Variants in TRPC3 observed in about 807,000 individuals in gnomAD.
The protein encoded by TRPC3 is short transient receptor potential channel 3.
A neutral mutation model predicts 90.9 loss-of-function variants in TRPC3; 54 were observed. The ratio of observed to expected loss-of-function variants is 0.59; its 90% CI spans 0.48 to 0.75. TRPC3 has a LOEUF of 0.75. Among genes scored for constraint, TRPC3 ranks in the 30% least tolerant of loss-of-function variants. The pLI, the probability that TRPC3 is intolerant of heterozygous loss-of-function variation, is 0.00. For missense variants in TRPC3, 918 were observed against 1,194.5 expected (o/e 0.77, Z 3.41); for synonymous variants, 424 against 450.9 (o/e 0.94, Z 0.75).
chr4:121,915,445 GT>G (rs1295767751), intron 3 of TRPC3, among the ~76,000 whole-genome samples: 1 of 152,156 alleles, frequency 6.6e-6, no homozygotes, highest in Non-Finnish European at 1.5e-5. Context: ...GTGTAATTAT[GT>G]ACTATTACTG....
intron 4 of TRPC3, among the ~76,000 whole-genome samples, chr4:121,913,034 A>G (rs552015103): frequency 6.6e-6 from 1 of 152,348 alleles, no homozygotes; most frequent in Non-Finnish European, 1.5e-5. Flanking sequence ...GTTAACTCCA[A>G]ACAAATGTTT....
At chr4:121,900,806 T>C (rs1372516820) in intron 9 of TRPC3, among the ~76,000 whole-genome samples, 1 of 152,238 alleles carries the variant, frequency 6.6e-6, no homozygotes, top group African/African-American at 2.4e-5. Context: ...TTATTTATTG[T>C]GGCAGTTTTT....
chr4:121,932,158 T>C lies in TRPC3; in HGVS notation c.987+113A>G. Reference sequence around the variant, plus strand: ...ATGACGTTCTCAGTCCCTCGTGATTTCACATTCACTGGGCAAAACCGAATG... The same window carrying C: ...ATGACGTTCTCAGTCCCTCGTGATTCCACATTCACTGGGCAAAACCGAATG... On this transcript the variant is annotated intron_variant, in intron 2 of 11. Transcript: ENST00000379645. The surrounding 1 kb of genome is among the most constrained non-coding windows in gnomAD (Gnocchi z 7.7). 6.7e-7 allele frequency: 1 copy of C among 1,487,996 alleles called. No homozygotes were observed. Among genetic ancestry groups the C allele is most frequent in the Non-Finnish European group, 9.0e-7 (1 of 1,108,724 alleles). 92.2% of individuals were successfully genotyped at this position (1,487,996 alleles called of 1,614,324 possible).
In TRPC3 at chr4:121,932,360, G is replaced by A. The variant is rs199953665; in HGVS notation, c.898C>T (p.Leu300Phe). 1 of 1,614,172 alleles carries A rather than the reference G, an allele frequency of 6.2e-7. No homozygotes were observed. Among genetic ancestry groups the A allele is most frequent in the Non-Finnish European group, 8.5e-7 (1 of 1,180,030 alleles). Reference sequence around the variant, plus strand: ...ACCGGGTCCTCGCTGGACAATGAGAGGTAAGCCGGGCTGGCCAGCCCCTTG... The same window carrying A: ...ACCGGGTCCTCGCTGGACAATGAGAAGTAAGCCGGGCTGGCCAGCCCCTTG... ...AYKGLASPAY[L>F]SLSSEDPVLT... The change falls in exon 2 of 12, where the codon CTC becomes TTC. Residue 300 changes from leucine (L) to phenylalanine (F), a missense_variant. This residue lies in a region of TRPC3 where 609 missense variants were observed against 725.9 expected (regional missense o/e 0.84). Coordinates refer to ENST00000379645, the MANE Select transcript of TRPC3 (RefSeq NM_001130698.2). The surrounding 1 kb of genome is among the most constrained non-coding windows in gnomAD (Gnocchi z 7.7).
At chr4:121,918,840 A>G (rs1211106008) in intron 3 of TRPC3, among the ~76,000 whole-genome samples, 3 of 152,244 alleles carry the variant, frequency 2.0e-5, no homozygotes, top group South Asian at 2.1e-4. Context: ...ATAGCAAGTG[A>G]AGGCAAAAAA....
intron 7 of TRPC3, 43 bp downstream of exon 7, chr4:121,907,260 A>AATTTCTCTTTATCAT (rs1728913103): frequency 6.5e-7 from 1 of 1,527,778 alleles, no homozygotes; most frequent in Non-Finnish European, 8.8e-7. Context: ...GATTGGTTAG[A>AATTTCTCTTTATCAT]ATTTCTCTTT....
chr4:121,907,175 G>A (rs2149122028), intron 7 of TRPC3, 128 bp downstream of exon 7: 1 of 920,986 alleles, frequency 1.1e-6, no homozygotes, highest in African/African-American at 1.7e-5. Flanking sequence ...AGCACTAACT[G>A]TTTTTGATGG....
At chr4:121,945,374 G>T (rs1018095288) in intron 1 of TRPC3, among the ~76,000 whole-genome samples, 1 of 152,078 alleles carries the variant, frequency 6.6e-6, no homozygotes, top group Admixed American at 6.6e-5. Flanking sequence ...GGAGAACAAG[G>T]AATTGCAACA....
chr4:121,920,481 G>GC (rs200294341), intron 3 of TRPC3, among the ~76,000 whole-genome samples: 2,962 of 151,932 alleles, frequency 0.019, 45 homozygotes, highest in Middle Eastern at 0.071. Flanking sequence ...CCAAGATCTC[G>GC]CCACTGCACT....
At chr4:121,939,235 A>G (rs1730226768) in intron 1 of TRPC3, among the ~76,000 whole-genome samples, 1 of 152,162 alleles carries the variant, frequency 6.6e-6, no homozygotes, top group Non-Finnish European at 1.5e-5. Context: ...AGGAGTGAAA[A>G]GAAAAGGATC....
chr4:121,896,849 A>C (rs1728531771), intron 10 of TRPC3, among the ~76,000 whole-genome samples: 1 of 152,204 alleles, frequency 6.6e-6, no homozygotes, highest in African/African-American at 2.4e-5. Flanking sequence ...ATCCTGAGCA[A>C]AAAGAACAAA....
chr4:121,932,486 T>C lies in TRPC3; in HGVS notation c.772A>G (p.Arg258Gly). The change falls in exon 2 of 12, where the codon AGG becomes GGG. Residue 258 changes from arginine to glycine, a missense_variant. By Grantham distance (125) the Arg-to-Gly change is moderately radical (BLOSUM62 -2). Around this residue, in one of 4 missense-constraint regions of TRPC3, gnomAD observed 609 missense variants for 725.9 expected, o/e 0.84. Coordinates refer to ENST00000379645, the MANE Select transcript of TRPC3 (RefSeq NM_001130698.2). This position sits in a 1 kb window ranked among gnomAD's most constrained non-coding sequence, Gnocchi z 7.7. ...VVHMLLMKGA[R>G]IERPHDYFCK... The stretch of plus-strand genomic sequence containing the variant: ...AAATAGTCGTGCGGCCGCTCGATCC[T>C]GGCACCCTTCATCAGCAGCATGTGC... The C allele has an allele frequency of 6.2e-7, 1 of 1,614,198 alleles. No homozygotes were observed. The highest frequency in any genetic ancestry group is 8.5e-7 in the Non-Finnish European group (1 of 1,180,020).
intron 3 of TRPC3, among the ~76,000 whole-genome samples, chr4:121,922,180 C>A (rs148189523): frequency 5.3e-5 from 8 of 151,974 alleles, no homozygotes; most frequent in South Asian, 2.1e-4. Flanking sequence ...CCTCGGCCCC[C>A]CAAAGTGCTG....
rs199947522 is a variant in TRPC3 at position 121,910,418 on chromosome 4, A to G, written c.1559-31T>C. 38 of 1,574,686 alleles carry G rather than the reference A, an allele frequency of 2.4e-5. No homozygotes were observed. In the African/African-American group the frequency reaches 4.2e-4, roughly 17 times the overall value. On this transcript the variant is annotated intron_variant, in intron 5 of 11. Coordinates refer to ENST00000379645, the MANE Select transcript of TRPC3 (RefSeq NM_001130698.2). The stretch of plus-strand genomic sequence containing the variant: ...ACAACAAATACAGAGGGTGCAGGTC[A>G]GATTTTACAGGCCAGACTGAGAAGC...
rs765477300 is a variant in TRPC3, at chr4:121,879,811, T to A, written c.2691A>T (p.Gln897His). 4.4e-6 allele frequency: 7 copies of A among 1,608,412 alleles called. No homozygotes were observed. The Admixed American group carries it at 1.2e-4, about 27-fold the overall frequency. ...LRYELLEDKS[Q>H]ATEELAILIH... ...TTAGAATGGCTAATTCCTCAGTTGC[T>A]TGGCTCTTGTCTTCCAAAAGTTCAT... Residue 897 changes from glutamine (Q) to histidine (H), a missense_variant, in exon 12 of 12, where the codon CAA becomes CAT. Coordinates refer to ENST00000379645, the MANE Select transcript of TRPC3 (RefSeq NM_001130698.2).
intron 4 of TRPC3, 72 bp downstream of exon 4, chr4:121,914,708 A>T: frequency 7.2e-7 from 1 of 1,395,592 alleles, no homozygotes; most frequent in Non-Finnish European, 9.5e-7. Flanking sequence ...TTAAGCATGA[A>T]GCTTTTTATT....
chr4:121,903,176 T>C, intron 8 of TRPC3, 115 bp from the exon 9 acceptor site: 1 of 812,772 alleles, frequency 1.2e-6, no homozygotes, highest in Non-Finnish European at 1.9e-6. Flanking sequence ...AGGTAACTTA[T>C]ACACATTTAT....
intron 7 of TRPC3, among the ~76,000 whole-genome samples, chr4:121,904,884 T>A (rs1728827028): frequency 6.6e-6 from 1 of 152,172 alleles, no homozygotes; most frequent in South Asian, 2.1e-4. Context: ...TTTTCTGTAG[T>A]AGAACAGGGT....
rs1727762651 is a variant in TRPC3 at position 121,876,359 on chromosome 4, T to C, written c.*3377A>G. On this transcript the variant is annotated 3_prime_UTR_variant, in exon 12 of 12. Transcript: ENST00000379645. ...AAGATTACCACCTTGGATGATGACA[T>C]TAACCTCCTAAAACACCTCTATGAG... 6.6e-6 allele frequency among the ~76,000 whole-genome samples: 1 copy of C among 152,136 alleles called. No homozygotes were observed.
Sources: gnomAD v4.1 joint callset for allele counts (sites outside exome capture counted in the v4.1 genomes callset) on GRCh38, gnomAD v4.1.1 for gene constraint, gnomAD v4.1.1 regional missense constraint, Gnocchi (gnomAD v3.1) non-coding constraint, MANE v1.5 for transcripts, NCBI Gene and HGNC (gene_info 2026-07-23, HGNC 2026-07-21) for gene names.